ZNF738: variants seen among roughly 807,000 people sequenced by gnomAD.
ZNF738 encodes protein ZNF738.
ZNF738 carries 10 observed loss-of-function variants against 9.2 expected under a neutral mutation model. The ratio of observed to expected loss-of-function variants is 1.09; its 90% CI spans 0.67 to 1.85. The LOEUF is 1.85. ZNF738 is among the 40% of genes most tolerant of loss of function. ZNF738 has a pLI of 0.00. For synonymous variants in ZNF738, 113 were observed against 94.5 expected, an observed-to-expected ratio of 1.20 and a Z score of -1.14; for missense variants, 346 against 283.6, an observed-to-expected ratio of 1.22 and a Z score of -1.58.
chr19:21,370,833 A>G lies in ZNF738; in HGVS notation c.97-4405A>G, dbSNP rs575728703. 3.3e-5 allele frequency among the ~76,000 whole-genome samples: 5 copies of G among 152,338 alleles called. No homozygotes were observed. The East Asian group carries it at 9.6e-4, about 29-fold the overall frequency. Reference sequence around the variant, plus strand: ...TAACCTCACCTAGAACCTGCACATAAGTTCTGGCCTCTGCCTGGGATTTAC... The same window carrying G: ...TAACCTCACCTAGAACCTGCACATAGGTTCTGGCCTCTGCCTGGGATTTAC... On this transcript the variant is annotated intron_variant, in intron 2 of 4. Coordinates refer to ENST00000683779, the MANE Select transcript of ZNF738 (RefSeq NM_001355237.2).
intron 4 of ZNF738, 57 bp downstream of exon 4, chr19:21,376,021 A>G: frequency 1.5e-6 from 1 of 680,570 alleles, no homozygotes; most frequent in East Asian, 2.6e-5. Context: ...GATTACAAAA[A>G]AAAAAAAGCA....
intron 4 of ZNF738, chr19:21,381,142 A>T: frequency 1.2e-6 from 1 of 851,450 alleles, no homozygotes; most frequent in East Asian, 2.5e-5. Context: ...AGCACGTGAG[A>T]GTCACATGAT....
chr19:21,380,254 C>T (rs1973987376), intron 4 of ZNF738, among the ~76,000 whole-genome samples: 1 of 152,120 alleles, frequency 6.6e-6, no homozygotes, highest in African/African-American at 2.4e-5. Flanking sequence ...AAATTCTTCC[C>T]ACTCAAAATA....
intron 1 of ZNF738, among the ~76,000 whole-genome samples, chr19:21,360,956 A>G (rs1973680470): frequency 6.6e-6 from 1 of 151,422 alleles, no homozygotes; most frequent in Admixed American, 6.6e-5. Context: ...CTGGGTTTAC[A>G]GGCATGCACC....
At chr19:21,367,755 G>T (rs1973802047) in intron 2 of ZNF738, among the ~76,000 whole-genome samples, 1 of 152,054 alleles carries the variant, frequency 6.6e-6, no homozygotes, top group Admixed American at 6.6e-5. Flanking sequence ...GCCACCACAG[G>T]ATTCCCACCC....
Position 21,385,357 on chromosome 19 carries a change from T to A in ZNF738, c.*1683T>A, listed in dbSNP as rs1244054099. 6.6e-6 allele frequency among the ~76,000 whole-genome samples: 1 copy of A among 151,792 alleles called. No individual in the cohort carries two copies. Among genetic ancestry groups the A allele is most frequent in the East Asian group, 1.9e-4 (1 of 5,164 alleles). On this transcript the variant is annotated 3_prime_UTR_variant, in exon 5 of 5. Coordinates refer to ENST00000683779, the MANE Select transcript of ZNF738 (RefSeq NM_001355237.2). ...TGTAGTCCCAGCTACTCTGGAGGCC[T>A]AGGTGGGAGAATCGCTTGAACCCAG...
intron 3 of ZNF738, among the ~76,000 whole-genome samples, chr19:21,375,585 C>G (rs1047267604): frequency 6.6e-6 from 1 of 152,118 alleles, no homozygotes; most frequent in African/African-American, 2.4e-5. Context: ...ACCCTTCACT[C>G]TAGAGTAGTG....
chr19:21,365,994 T>C (rs992918889), intron 2 of ZNF738, among the ~76,000 whole-genome samples: 1 of 151,902 alleles, frequency 6.6e-6, no homozygotes, highest in African/African-American at 2.4e-5. Context: ...AGAAAGTTTA[T>C]CCTGCATTTC....
intron 4 of ZNF738, chr19:21,377,399 A>G: frequency 1.4e-6 from 1 of 704,152 alleles, no homozygotes; most frequent in Non-Finnish European, 2.6e-6. Context: ...AAAGTGGGGT[A>G]TTGAAATTTC....
intron 4 of ZNF738, among the ~76,000 whole-genome samples, chr19:21,377,074 G>C (rs972541506): frequency 9.2e-5 from 14 of 151,924 alleles, no homozygotes; most frequent in Admixed American, 9.2e-4. Flanking sequence ...TTGGGAGGCC[G>C]AGGCGAGCGG....
intron 4 of ZNF738, chr19:21,377,491 TACAC>T (rs983655815): frequency 1.2e-5 from 8 of 693,660 alleles, no homozygotes; most frequent in South Asian, 4.6e-5. Context: ...TAGTGTGACA[TACAC>T]ACAGACACAC....
intron 4 of ZNF738, 186 bp downstream of exon 4, chr19:21,376,150 C>A: frequency 2.4e-6 from 1 of 424,750 alleles, no homozygotes; most frequent in Non-Finnish European, 4.4e-6. Context: ...ATAGGGCCAT[C>A]TTCTGTCTTA....
rs1482688041 is a variant in ZNF738 at position 21,388,537 on chromosome 19, A to G, written c.*4863A>G. On this transcript the variant is annotated 3_prime_UTR_variant, in exon 5 of 5. Coordinates refer to ENST00000683779, the MANE Select transcript of ZNF738 (RefSeq NM_001355237.2). ...TATATTATTAGTATATTATTGTACT[A>G]ATTGTACTTTTATATAATAAAATGC... 2.0e-5 allele frequency among the ~76,000 whole-genome samples: 3 copies of G among 152,150 alleles called. No individual in the cohort carries two copies. The highest frequency in any genetic ancestry group is 7.2e-5 in the African/African-American group (3 of 41,456).
At chr19:21,369,900 A>G (rs934334136) in intron 2 of ZNF738, among the ~76,000 whole-genome samples, 1 of 147,896 alleles carries the variant, frequency 6.8e-6, no homozygotes, top group African/African-American at 2.5e-5. Context: ...TGCAACCTCC[A>G]CCTCCTGGAT....
intron 2 of ZNF738, among the ~76,000 whole-genome samples, chr19:21,373,227 G>A (rs892120557): frequency 1.3e-5 from 2 of 152,178 alleles, no homozygotes; most frequent in Non-Finnish European, 2.9e-5. Flanking sequence ...CTTCTCATTA[G>A]CATTACATGG....
At chr19:21,372,191 C>T (rs1008809289) in intron 2 of ZNF738, 4 of 152,182 alleles carry the variant, frequency 2.6e-5, no homozygotes, top group African/African-American at 9.7e-5. Context: ...ACCTACCTAC[C>T]TCGACCTCCC....
intron 2 of ZNF738, among the ~76,000 whole-genome samples, chr19:21,363,663 C>T (rs535432688): frequency 1.3e-5 from 2 of 151,950 alleles, no homozygotes; most frequent in Non-Finnish European, 2.9e-5. Flanking sequence ...CCAAGGTGGG[C>T]GGATCACCTG....
chr19:21,373,325 G>A (rs766818459), intron 2 of ZNF738, among the ~76,000 whole-genome samples: 5 of 152,260 alleles, frequency 3.3e-5, no homozygotes, highest in Non-Finnish European at 7.4e-5. Flanking sequence ...TTTTAATTGT[G>A]TCTCATGTGA....
Position 21,387,836 on chromosome 19 carries a change from A to G in ZNF738, c.*4162A>G, listed in dbSNP as rs1212883111. Among the ~76,000 whole-genome samples the G allele has an allele frequency of 6.6e-6, 1 of 152,224 alleles. No individual in the cohort carries two copies. Among genetic ancestry groups the G allele is most frequent in the African/African-American group, 2.4e-5 (1 of 41,462 alleles). On this transcript the variant is annotated 3_prime_UTR_variant, in exon 5 of 5. Transcript: ENST00000683779. ...TTTTATTGTACACATTTTGTACTAG[A>G]GGAAAACTCTGAAGCAGTTGCTCAA...
Sources: allele counts gnomAD v4.1 joint callset (sites outside exome capture counted in the v4.1 genomes callset), GRCh38; gene constraint gnomAD v4.1.1; transcripts MANE v1.5; gene names NCBI Gene and HGNC (gene_info 2026-07-23, HGNC 2026-07-21).